The following CDH9 variants were observed in gnomAD, a reference collection of about 807,000 sequenced individuals.
CDH9 encodes the protein cadherin 9.
Under a neutral mutation model 70.9 loss-of-function variants are expected in CDH9, and 28 were observed. That is an observed-to-expected ratio of 0.40 (90% CI 0.29 to 0.54). The LOEUF (loss-of-function observed/expected upper bound fraction) is 0.54. Among genes scored for constraint, CDH9 ranks in the 20% least tolerant of loss-of-function variants. The pLI is 0.59. For missense variants in CDH9, 874 were observed against 984.4 expected, an observed-to-expected ratio of 0.89 and a Z score of 1.50; for synonymous variants, 409 against 343.1, an observed-to-expected ratio of 1.19 and a Z score of -2.12.
At position 26,891,199 on chromosome 5, in the gene CDH9, T is replaced by C. The variant is rs112142143; in HGVS notation, c.1254-635A>G. On this transcript the variant is annotated intron_variant, in intron 7 of 11. Coordinates refer to ENST00000231021, the MANE Select transcript of CDH9 (RefSeq NM_016279.4). ...CTTTGTATCTTATTAAAGATAAGAC[T>C]CTGCAGTTGGCAAAATAATATCTCC... Among the ~76,000 whole-genome samples, 1,150 of 152,312 alleles carry C rather than the reference T, an allele frequency of 7.6e-3. 15 individuals carry two copies. Among genetic ancestry groups the C allele is most frequent in the African/African-American group, 0.026 (1,099 of 41,564 alleles).
At chr5:26,933,605 C>T (rs577016562) in intron 2 of CDH9, among the ~76,000 whole-genome samples, 60 of 151,958 alleles carry the variant, frequency 3.9e-4, no homozygotes, top group Non-Finnish European at 6.5e-4. Context: ...GAAACTCCAT[C>T]TCTACTAAAA....
chr5:26,915,983 A>C, intron 2 of CDH9, 59 bp from the exon 3 acceptor site: 1 of 1,214,840 alleles, frequency 8.2e-7, no homozygotes, highest in Non-Finnish European at 1.2e-6. Flanking sequence ...TACATAAAAC[A>C]TAATTTTGGC....
chr5:26,946,471 G>T (rs1457165903), intron 2 of CDH9, among the ~76,000 whole-genome samples: 1 of 152,052 alleles, frequency 6.6e-6, no homozygotes, highest in East Asian at 1.9e-4. Context: ...AAAAAGGAGA[G>T]GATAAGTATG....
At position 26,977,036 on chromosome 5, in the gene CDH9, A is replaced by G. The variant is rs535707533; in HGVS notation, c.228+11070T>C. ...AGTCTAATATAATCATAGTATTATTATACATTTAAATTAAATAATTTTAAC... is the reference window on the plus strand; with the variant it reads ...AGTCTAATATAATCATAGTATTATTGTACATTTAAATTAAATAATTTTAAC... On this transcript the variant is annotated intron_variant, in intron 2 of 11. Transcript: ENST00000231021. 3.1e-3 allele frequency among the ~76,000 whole-genome samples: 469 copies of G among 152,144 alleles called. 2 individuals carry two copies. The highest frequency in any genetic ancestry group is 0.01 in the African/African-American group (421 of 41,542).
In CDH9 at chr5:26,974,910, A is replaced by C. The variant is rs181802368; in HGVS notation, c.228+13196T>G. Among the ~76,000 whole-genome samples the C allele has an allele frequency of 2.2e-4, 33 of 152,260 alleles. No homozygotes were observed. The East Asian group carries it at 5.8e-3, about 27-fold the overall frequency. Reference sequence around the variant, plus strand: ...ACAGAGTATTGTAACTGTAGTCACCATGCTGTACATTTGATCTCTAGAATC... The same window carrying C: ...ACAGAGTATTGTAACTGTAGTCACCCTGCTGTACATTTGATCTCTAGAATC... On this transcript the variant is annotated intron_variant, in intron 2 of 11. Transcript: ENST00000231021.
chr5:27,002,717 C>G (rs1381605258), intron 1 of CDH9, among the ~76,000 whole-genome samples: 6 of 151,420 alleles, frequency 4.0e-5, no homozygotes, highest in Admixed American at 3.3e-4. Context: ...GAGAATTGAA[C>G]AATGAGAACA....
intron 2 of CDH9, among the ~76,000 whole-genome samples, chr5:26,969,762 T>C (rs1742186302): frequency 6.6e-6 from 1 of 152,022 alleles, no homozygotes; most frequent in East Asian, 1.9e-4. Flanking sequence ...TTCCCTGATA[T>C]CAATGTTCAT....
intron 1 of CDH9, among the ~76,000 whole-genome samples, chr5:27,018,637 A>AT (rs1484426549): frequency 4.6e-5 from 7 of 151,914 alleles, no homozygotes; most frequent in South Asian, 2.1e-4. Flanking sequence ...TTAATAATGT[A>AT]TTTTTTTAAT....
chr5:26,890,768 A>C (rs1406560753), intron 7 of CDH9: 1 of 505,338 alleles, frequency 2.0e-6, no homozygotes. Flanking sequence ...ATATTATCCT[A>C]TGTGTACTTT....
At chr5:26,962,907 C>A (rs1476034711) in intron 2 of CDH9, among the ~76,000 whole-genome samples, 1 of 152,080 alleles carries the variant, frequency 6.6e-6, no homozygotes, top group South Asian at 2.1e-4. Flanking sequence ...ATTAGTTTAT[C>A]AATTTTTAAA....
intron 1 of CDH9, among the ~76,000 whole-genome samples, chr5:27,017,031 GTTCTTTCTATTC>G (rs1743057470): frequency 2.0e-5 from 3 of 151,828 alleles, no homozygotes; most frequent in South Asian, 2.1e-4. Flanking sequence ...GCCCAAAACT[GTTCTTTCTATTC>G]TTCTTTCTAT....
At chr5:26,933,128 T>A (rs905911702) in intron 2 of CDH9, among the ~76,000 whole-genome samples, 5 of 147,432 alleles carry the variant, frequency 3.4e-5, no homozygotes, top group Admixed American at 6.8e-5. Flanking sequence ...AAAATATAAA[T>A]ATAGTTATAT....
At chr5:27,028,286 C>T (rs1743254433) in intron 1 of CDH9, 1 of 150,732 alleles carries the variant, frequency 6.6e-6, no homozygotes, top group African/African-American at 2.4e-5. Flanking sequence ...GGTTGAATCA[C>T]AATAATCACT....
intron 2 of CDH9, among the ~76,000 whole-genome samples, chr5:26,969,935 T>TAA (rs36110538): frequency 0.11 from 16,025 of 149,004 alleles, 1,076 homozygotes; most frequent in African/African-American, 0.18. Flanking sequence ...TATATATATA[T>TAA]AATATATATA....
At chr5:26,973,126 T>G (rs1742249361) in intron 2 of CDH9, among the ~76,000 whole-genome samples, 1 of 152,156 alleles carries the variant, frequency 6.6e-6, no homozygotes, top group South Asian at 2.1e-4. Flanking sequence ...CCTCCCAAAG[T>G]GCTGGTAATA....
Position 26,890,578 on chromosome 5 carries a change from G to T in CDH9, c.1254-14C>A. 2 of 1,588,996 alleles carry T rather than the reference G, an allele frequency of 1.3e-6. No homozygotes were observed. The highest frequency in any genetic ancestry group is 1.1e-5 in the South Asian group (1 of 90,534). On this transcript the variant is annotated splice_polypyrimidine_tract_variant and intron_variant, in intron 7 of 11. Transcript: ENST00000231021. ...TCAACAGAGTACCTGGCAGAAGACA[G>T]ACTCATAAATCCAGGCATTCTTCTA...
chr5:26,948,866 G>A (rs1048629711), intron 2 of CDH9, among the ~76,000 whole-genome samples: 1 of 152,086 alleles, frequency 6.6e-6, no homozygotes, highest in Non-Finnish European at 1.5e-5. Flanking sequence ...GAGGACAGAC[G>A]GTGCAATCTT....
chr5:26,976,082 A>G (rs953897560), intron 2 of CDH9, among the ~76,000 whole-genome samples: 25 of 152,304 alleles, frequency 1.6e-4, no homozygotes, highest in African/African-American at 6.0e-4. Flanking sequence ...CAAGAAATCT[A>G]AGGAAATAAA....
At chr5:26,928,606 A>G (rs546280704) in intron 2 of CDH9, among the ~76,000 whole-genome samples, 89 of 152,242 alleles carry the variant, frequency 5.8e-4, no homozygotes, top group Non-Finnish European at 9.9e-4. Flanking sequence ...CCACGGAGTT[A>G]TAGTAACCAG....
Sources: allele counts gnomAD v4.1 joint callset (sites outside exome capture counted in the v4.1 genomes callset), GRCh38; gene constraint gnomAD v4.1.1; transcripts MANE v1.5; gene names NCBI Gene and HGNC (gene_info 2026-07-23, HGNC 2026-07-21).